The following FGD4 variants were observed in gnomAD, a reference collection of about 807,000 sequenced individuals.
FGD4 encodes the protein FYVE, RhoGEF and PH domain-containing protein 4.
In FGD4, 42 loss-of-function variants were observed where a neutral mutation model predicts 102.0. The observed-to-expected ratio is 0.41, with a 90% CI of 0.32 to 0.53. FGD4 has a LOEUF of 0.53. Ranked by LOEUF, FGD4 falls within the 20% of genes least tolerant of loss-of-function variation. FGD4 has a pLI of 0.21. For missense variants in FGD4, 902 were observed against 1,078.2 expected (o/e 0.84, Z 2.29); for synonymous variants, 380 against 375.7 (o/e 1.01, Z -0.13).
intron 3 of FGD4, among the ~76,000 whole-genome samples, chr12:32,577,643 A>C (rs1260868642): frequency 6.6e-6 from 1 of 152,248 alleles, no homozygotes; most frequent in Non-Finnish European, 1.5e-5. Context: ...AACTTTGGTC[A>C]TAAATATTTC....
At chr12:32,580,747 C>T (rs1423967458) in intron 3 of FGD4, among the ~76,000 whole-genome samples, 3 of 151,944 alleles carry the variant, frequency 2.0e-5, no homozygotes, top group African/African-American at 4.8e-5. Flanking sequence ...ATTAGCCGGG[C>T]GTGGTGGCGG....
chr12:32,499,665 C>T (rs1291224962), intron 1 of FGD4, among the ~76,000 whole-genome samples: 6 of 152,266 alleles, frequency 3.9e-5, no homozygotes, highest in African/African-American at 1.4e-4. Context: ...AATATTTCTT[C>T]CTCACAGGTA....
chr12:32,503,647 A>G (rs1054309562), intron 1 of FGD4, among the ~76,000 whole-genome samples: 13 of 152,194 alleles, frequency 8.5e-5, no homozygotes, highest in African/African-American at 2.9e-4. Flanking sequence ...AAATTAGTTT[A>G]GCTACATACT....
At chr12:32,620,271 CTCTACATTTT>C in intron 11 of FGD4, among the ~76,000 whole-genome samples, 1 of 152,118 alleles carries the variant, frequency 6.6e-6, no homozygotes, top group Non-Finnish European at 1.5e-5. Flanking sequence ...CTTTCAGATA[CTCTACATTTT>C]AGGGCCTTAG....
At chr12:32,405,747 G>T (rs1358355519) in intron 1 of FGD4, among the ~76,000 whole-genome samples, 2 of 151,996 alleles carry the variant, frequency 1.3e-5, no homozygotes, top group Admixed American at 6.6e-5. Flanking sequence ...CTTGATTGGG[G>T]GTCTGCCTGA....
At chr12:32,520,919 C>T (rs1565797158) in intron 1 of FGD4, among the ~76,000 whole-genome samples, 1 of 152,116 alleles carries the variant, frequency 6.6e-6, no homozygotes, top group East Asian at 1.9e-4. Flanking sequence ...CCGCTCTGTA[C>T]CTCCAGCAGT....
In FGD4 at chr12:32,625,782, A is replaced by G; in HGVS notation, c.2172+3A>G. 1 of 1,613,894 alleles carries G rather than the reference A, an allele frequency of 6.2e-7. No homozygotes were observed. The highest frequency in any genetic ancestry group is 8.5e-7 in the Non-Finnish European group (1 of 1,179,836). ...ATCATTGTCGAGCATGTGGATATGT[A>G]AGTGAGATTTCTTGATCATTAAGGT... On this transcript the variant is annotated splice_donor_region_variant and intron_variant, in intron 14 of 16. Transcript: ENST00000534526.
intron 1 of FGD4, among the ~76,000 whole-genome samples, chr12:32,481,056 A>G (rs1380069144): frequency 2.9e-5 from 4 of 138,734 alleles, no homozygotes; most frequent in Admixed American, 7.9e-5. Context: ...GGCTCAAGCA[A>G]TCCCCGGCTT....
At chr12:32,541,309 G>A (rs1255258416) in intron 1 of FGD4, among the ~76,000 whole-genome samples, 1 of 152,168 alleles carries the variant, frequency 6.6e-6, no homozygotes, top group African/African-American at 2.4e-5. Flanking sequence ...AGGGAGTAAG[G>A]AAAGCCAATA....
intron 1 of FGD4, among the ~76,000 whole-genome samples, chr12:32,517,807 GC>G (rs1940052476): frequency 6.6e-6 from 1 of 152,080 alleles, no homozygotes. Flanking sequence ...GATTGCTTGA[GC>G]CTGAAAGGTT....
intron 1 of FGD4, among the ~76,000 whole-genome samples, chr12:32,485,458 T>TTTTTTTTA (rs869293958): frequency 6.8e-6 from 1 of 147,086 alleles, no homozygotes; most frequent in African/African-American, 2.5e-5. Context: ...TTTTTTTTTT[T>TTTTTTTTA]GAGACAGAGA....
intron 14 of FGD4, among the ~76,000 whole-genome samples, chr12:32,630,180 TTC>T (rs1475852263): frequency 6.6e-6 from 1 of 152,206 alleles, no homozygotes; most frequent in East Asian, 1.9e-4. Context: ...CCTTGGAAAA[TTC>T]TCTTACTTTA....
chr12:32,601,572 C>T (rs1351612247), intron 6 of FGD4, 149 bp downstream of exon 6: 6 of 940,514 alleles, frequency 6.4e-6, no homozygotes, highest in African/African-American at 1.7e-5. Flanking sequence ...AGTTGTGGTA[C>T]AAAGGACTTC....
rs1004969 is a variant in FGD4 at position 32,610,734 on chromosome 12, G to A, written c.1544-42G>A. ...ACTCAGCTATATAGAAGCACAGGAA[G>A]GACAAAGCATATTTATTTACTTTTC... is the stretch of plus-strand genomic sequence containing the variant. On this transcript the variant is annotated intron_variant, in intron 8 of 16. Transcript: ENST00000534526. 173,973 of 1,568,622 alleles carry A rather than the reference G, an allele frequency of 0.11. 10,770 individuals are homozygous for A. The highest frequency in any genetic ancestry group is 0.18 in the Admixed American group (10,772 of 59,550).
At chr12:32,576,648 CTAGGTACAGTACTG>C (rs1946150043) in intron 3 of FGD4, among the ~76,000 whole-genome samples, 199 bp downstream of exon 3, 1 of 152,144 alleles carries the variant, frequency 6.6e-6, no homozygotes, top group South Asian at 2.1e-4. Context: ...TATGTATTAG[CTAGGTACAGTACTG>C]TAGGCCACCA....
At chr12:32,573,259 C>A (rs980757721) in intron 2 of FGD4, among the ~76,000 whole-genome samples, 10 of 152,142 alleles carry the variant, frequency 6.6e-5, no homozygotes, top group African/African-American at 2.4e-4. Flanking sequence ...CCAAACCCGG[C>A]TAATTTTTTG....
At chr12:32,418,775 C>T (rs1941519404) in intron 1 of FGD4, among the ~76,000 whole-genome samples, 1 of 152,200 alleles carries the variant, frequency 6.6e-6, no homozygotes, top group African/African-American at 2.4e-5. Flanking sequence ...CAAAGCCAGC[C>T]AGGTTTGTGC....
rs1949819145 is a variant in FGD4, at chr12:32,621,135, G to A, written c.1922+1265G>A. 2.0e-5 allele frequency among the ~76,000 whole-genome samples: 3 copies of A among 151,978 alleles called. No homozygotes were observed. In the South Asian group the frequency reaches 6.2e-4, roughly 32 times the overall value. ...CACACCTGTAATCCCAACACTTTGGGAGGCTGAGGTAGGAGGATCACTTGA... is the reference window on the plus strand; with the variant it reads ...CACACCTGTAATCCCAACACTTTGGAAGGCTGAGGTAGGAGGATCACTTGA... On this transcript the variant is annotated intron_variant, in intron 11 of 16. Coordinates refer to ENST00000534526, the MANE Select transcript of FGD4 (RefSeq NM_001370298.3).
At chr12:32,487,118 A>G (rs577787906) in intron 1 of FGD4, among the ~76,000 whole-genome samples, 51 of 152,324 alleles carry the variant, frequency 3.3e-4, no homozygotes, top group African/African-American at 1.2e-3. Context: ...ATCCACTATT[A>G]TTAGATATTT....
Sources: gnomAD v4.1 joint callset for allele counts (sites outside exome capture counted in the v4.1 genomes callset) on GRCh38, gnomAD v4.1.1 for gene constraint, MANE v1.5 for transcripts, NCBI Gene and HGNC (gene_info 2026-07-23, HGNC 2026-07-21) for gene names.